Variants in TXNDC5 observed in about 807,000 individuals in gnomAD.
The protein encoded by TXNDC5 is thioredoxin domain containing 5, also known as thioredoxin domain-containing protein 5.
A neutral mutation model predicts 52.6 loss-of-function variants in TXNDC5; 44 were observed. The observed-to-expected ratio is 0.84, with a 90% CI of 0.66 to 1.08. The LOEUF is 1.08. Among genes scored for constraint, TXNDC5 ranks in the 50% least tolerant of loss-of-function variants. TXNDC5 has a pLI of 0.00. For missense variants in TXNDC5, 600 were observed against 565.5 expected (o/e 1.06, Z -0.62); for synonymous variants, 241 against 234.4 (o/e 1.03, Z -0.26).
intron 7 of TXNDC5, among the ~76,000 whole-genome samples, chr6:7,887,505 C>T (rs547196453): frequency 6.6e-6 from 1 of 152,184 alleles, no homozygotes; most frequent in Non-Finnish European, 1.5e-5. Flanking sequence ...CCTCCCTCTC[C>T]GCGCTGCACA....
chr6:7,885,863 G>A lies in TXNDC5; in HGVS notation c.1046+98C>T, dbSNP rs899875776. Reference sequence around the variant, plus strand: ...TGACCTACATATAAATGTAACATGTGCCCAACATTGAGTCTGGAGGGGTGG... The same window carrying A: ...TGACCTACATATAAATGTAACATGTACCCAACATTGAGTCTGGAGGGGTGG... On this transcript the variant is annotated intron_variant, in intron 8 of 9. Transcript: ENST00000379757. The A allele has an allele frequency of 6.7e-6, 7 of 1,044,728 alleles. No homozygotes were observed. In the African/African-American group the frequency reaches 9.6e-5, roughly 14 times the overall value. The allele number at this position is 1,044,728 out of a possible 1,614,324, so 64.7% of individuals were successfully genotyped here. A position where few individuals can be genotyped will look rare whatever the true frequency, so the allele number is the denominator to read the frequency against.
At chr6:7,898,721 A>G (rs1760457369) in intron 3 of TXNDC5, among the ~76,000 whole-genome samples, 1 of 152,188 alleles carries the variant, frequency 6.6e-6, no homozygotes, top group Non-Finnish European at 1.5e-5. Context: ...AGCACTCGGC[A>G]TTAATCAGAA....
intron 4 of TXNDC5, among the ~76,000 whole-genome samples, chr6:7,893,053 TA>T (rs1280139990): frequency 2.0e-5 from 3 of 152,054 alleles, no homozygotes; most frequent in Admixed American, 6.6e-5. Context: ...TATTTTATCA[TA>T]AAAAAAAGTT....
intron 3 of TXNDC5, 140 bp downstream of exon 3, chr6:7,899,435 CA>C (rs1221878502): frequency 1.7e-5 from 9 of 530,764 alleles, no homozygotes; most frequent in South Asian, 3.2e-5. Context: ...CAATAAGCTC[CA>C]AAAAAAGTAG....
Position 7,883,132 on chromosome 6 carries a change from C to A in TXNDC5, c.*12G>T. On this transcript the variant is annotated 3_prime_UTR_variant, in exon 10 of 10. Transcript: ENST00000379757. ...GGGAGCTGGGCAGGAGAGGTGACCT[C>A]CAACTGTGTTCCTAAAGTTCGTCTT... 6.2e-7 allele frequency: 1 copy of A among 1,614,084 alleles called. No homozygotes were observed. Among genetic ancestry groups the A allele is most frequent in the South Asian group, 1.1e-5 (1 of 91,062 alleles).
chr6:7,899,444 T>C (rs1291156470), intron 3 of TXNDC5, 132 bp downstream of exon 3: 4 of 551,994 alleles, frequency 7.2e-6, no homozygotes, highest in East Asian at 3.1e-5. Flanking sequence ...CCAAAAAAAG[T>C]AGAGTTGCTT....
At position 7,889,509 on chromosome 6, in the gene TXNDC5, G is replaced by A. The variant is rs764150222; in HGVS notation, c.805C>T (p.Arg269Ter). 12 of 1,613,422 alleles carry A rather than the reference G, an allele frequency of 7.4e-6. No homozygotes were observed. Among genetic ancestry groups the A allele is most frequent in the Admixed American group, 5.0e-5 (3 of 60,002 alleles). ...TGCAGACGTACCTTTTTCCCATCTC[G>A]GAACCAGAGAAGAGTGGGATAGCCA... ...VRGYPTLLWF[R>*]DGKKVDQYKG... Residue 269 changes from arginine (R) to a stop codon, truncating the protein, a stop_gained, in exon 6 of 10, where the codon CGA becomes TGA. Coordinates refer to ENST00000379757, the MANE Select transcript of TXNDC5 (RefSeq NM_030810.5). LOFTEE classifies it high-confidence loss of function.
chr6:7,893,599 T>C (rs552454957), intron 4 of TXNDC5, among the ~76,000 whole-genome samples: 23 of 152,378 alleles, frequency 1.5e-4, no homozygotes, highest in Non-Finnish European at 2.5e-4. Context: ...AAACACACCC[T>C]GCTCAGAGCC....
chr6:7,892,138 A>G (rs1263242400), intron 4 of TXNDC5, among the ~76,000 whole-genome samples: 1 of 152,228 alleles, frequency 6.6e-6, no homozygotes, highest in African/African-American at 2.4e-5. Flanking sequence ...TAAGGAATGG[A>G]CGGACCCAGG....
chr6:7,899,302 G>C (rs1441559609), intron 3 of TXNDC5, among the ~76,000 whole-genome samples: 1 of 152,234 alleles, frequency 6.6e-6, no homozygotes, highest in African/African-American at 2.4e-5. Context: ...TGGTGGGGAA[G>C]ACAAACACCA....
intron 4 of TXNDC5, 64 bp downstream of exon 4, chr6:7,895,042 A>G: frequency 6.4e-7 from 1 of 1,557,418 alleles, no homozygotes; most frequent in Non-Finnish European, 8.7e-7. Flanking sequence ...GCAGGAAGGA[A>G]AAGCCCAGCA....
At chr6:7,889,112 T>C in intron 6 of TXNDC5, 2 of 481,158 alleles carry the variant, frequency 4.2e-6, no homozygotes, top group Non-Finnish European at 7.2e-6. Context: ...AGCAAGCCGT[T>C]GTGCTGATGG....
chr6:7,888,945 C>A (rs1433534432), intron 6 of TXNDC5, 97 bp from the exon 7 acceptor site: 1 of 1,465,022 alleles, frequency 6.8e-7, no homozygotes, highest in Admixed American at 2.3e-5. Context: ...GTCAGAGCTC[C>A]CAGATGTCTT....
chr6:7,909,723 C>T, intron 1 of TXNDC5: 2 of 975,738 alleles, frequency 2.0e-6, no homozygotes, highest in Non-Finnish European at 2.4e-6. Flanking sequence ...TTCGCACTAC[C>T]TTGGTCTTCC....
At position 7,888,702 on chromosome 6, in the gene TXNDC5, C is replaced by T. The variant is rs1760087077; in HGVS notation, c.963+3G>A. On this transcript the variant is annotated splice_donor_region_variant and intron_variant, in intron 7 of 9. Transcript: ENST00000379757. ...GGGGATCCCGACTCCAGCAGGCACCCACCTTGTCAGCCTCGGGCTCAGCTG... is the reference window on the plus strand; with the variant it reads ...GGGGATCCCGACTCCAGCAGGCACCTACCTTGTCAGCCTCGGGCTCAGCTG... 1.2e-6 allele frequency: 2 copies of T among 1,608,034 alleles called. No individual in the cohort carries two copies. Among genetic ancestry groups the T allele is most frequent in the Non-Finnish European group, 1.7e-6 (2 of 1,178,070 alleles).
chr6:7,910,241 C>T (rs1164681011), intron 1 of TXNDC5, among the ~76,000 whole-genome samples: 1 of 151,386 alleles, frequency 6.6e-6, no homozygotes. Context: ...CCCTGCAGTC[C>T]CCGGCTCCCG....
intron 1 of TXNDC5, among the ~76,000 whole-genome samples, chr6:7,906,344 T>C (rs866973441): frequency 1.3e-4 from 19 of 151,992 alleles, no homozygotes; most frequent in African/African-American, 4.6e-4. Context: ...GAGACCAGCC[T>C]GACCAACAAG....
intron 1 of TXNDC5, among the ~76,000 whole-genome samples, chr6:7,908,745 G>A (rs1427146157): frequency 6.6e-6 from 1 of 152,166 alleles, no homozygotes; most frequent in African/African-American, 2.4e-5. Flanking sequence ...GCTGAGGCAG[G>A]AGAATCACTT....
At chr6:7,889,084 C>G in intron 6 of TXNDC5, 1 of 518,948 alleles carries the variant, frequency 1.9e-6, no homozygotes, top group Non-Finnish European at 3.3e-6. Context: ...TCACAGAAGT[C>G]TGGGGCAGAG....
Sources: allele counts gnomAD v4.1 joint callset (sites outside exome capture counted in the v4.1 genomes callset), GRCh38; gene constraint gnomAD v4.1.1; transcripts MANE v1.5; gene names NCBI Gene and HGNC (gene_info 2026-07-23, HGNC 2026-07-21).